The following NKAIN3 variants were observed in gnomAD, a reference collection of about 807,000 sequenced individuals.
NKAIN3 encodes the protein sodium/potassium-transporting ATPase subunit beta-1-interacting protein 3.
In NKAIN3, 25 loss-of-function variants were observed where a neutral mutation model predicts 30.2. The ratio of observed to expected loss-of-function variants is 0.83; its 90% CI spans 0.60 to 1.16. The LOEUF is 1.16. Among genes scored for constraint, NKAIN3 ranks in the 50% most tolerant of loss-of-function variants. The pLI, the probability that NKAIN3 is intolerant of heterozygous loss-of-function variation, is 0.00. For missense variants in NKAIN3, 225 were observed against 254.1 expected, an observed-to-expected ratio of 0.89 and a Z score of 0.78; for synonymous variants, 91 against 89.6, an observed-to-expected ratio of 1.02 and a Z score of -0.09.
chr8:62,582,727 T>C (rs1201761346), intron 2 of NKAIN3, among the ~76,000 whole-genome samples: 3 of 152,036 alleles, frequency 2.0e-5, no homozygotes, highest in African/African-American at 7.2e-5. Context: ...AGGAAAGAAT[T>C]CAAATGTCAG....
intron 1 of NKAIN3, among the ~76,000 whole-genome samples, chr8:62,560,527 TTTTC>T (rs1339133355): frequency 7.9e-6 from 1 of 127,000 alleles, no homozygotes; most frequent in Non-Finnish European, 1.6e-5. Context: ...ATCTTTTTTC[TTTTC>T]TTTTTTTTTT....
Position 62,614,241 on chromosome 8 carries a change from GTTTC to G in NKAIN3, c.273+24450_273+24453del, listed in dbSNP as rs200705840. Reference sequence around the variant, plus strand: ...GGCATCACAAGCCCAGTAACTCTGTGTTTCTTGCAGACTCATAGGAATACTGCCT... The same window carrying G: ...GGCATCACAAGCCCAGTAACTCTGTGTTGCAGACTCATAGGAATACTGCCT... On this transcript the variant is annotated intron_variant, in intron 3 of 6. Transcript: ENST00000623646. Among the ~76,000 whole-genome samples, 37 of 152,276 alleles carry G rather than the reference GTTTC, an allele frequency of 2.4e-4. 1 individual carries two copies. The East Asian group carries it at 5.6e-3, about 23-fold the overall frequency.
In NKAIN3 at chr8:62,400,163, C is replaced by CTTT. The variant is rs71255333; in HGVS notation, c.54+151054_54+151056dup. ...TCCTGTGTGGTAGATGCTATATTTT[C>CTTT]TTTTTTTTTTTTTTTTTTTTGAGAC... On this transcript the variant is annotated intron_variant, in intron 1 of 6. Transcript: ENST00000623646. Among the ~76,000 whole-genome samples, 115 of 122,244 alleles carry CTTT rather than the reference C, an allele frequency of 9.4e-4. 1 individual carries two copies. Among genetic ancestry groups the CTTT allele is most frequent in the African/African-American group, 2.4e-3 (80 of 33,078 alleles). The allele number at this position is 122,244 out of a possible 152,430, so 80.2% of individuals were successfully genotyped here. A position where few individuals can be genotyped will look rare whatever the true frequency, so the allele number is the denominator to read the frequency against.
intron 4 of NKAIN3, among the ~76,000 whole-genome samples, chr8:62,888,859 G>C (rs192398351): frequency 7.0e-4 from 107 of 152,200 alleles, no homozygotes; most frequent in African/African-American, 2.4e-3. Context: ...AGAGCAATGA[G>C]TTATGTATTT....
Position 62,440,656 on chromosome 8 carries a change from C to T in NKAIN3, c.55-138883C>T, listed in dbSNP as rs184633906. ...CTCTTGCTCTTCATTAACTCTCTAA[C>T]GACCATACTCACTCCCCTCCTTCCT... is the stretch of plus-strand genomic sequence containing the variant. On this transcript the variant is annotated intron_variant, in intron 1 of 6. Coordinates refer to ENST00000623646, the MANE Select transcript of NKAIN3 (RefSeq NM_001304533.3). 4.6e-4 allele frequency among the ~76,000 whole-genome samples: 70 copies of T among 152,042 alleles called. 1 individual carries two copies. The highest frequency in any genetic ancestry group is 3.4e-3 in the Middle Eastern group (1 of 294).
At chr8:62,771,505 T>C (rs1817010123) in intron 4 of NKAIN3, among the ~76,000 whole-genome samples, 1 of 151,778 alleles carries the variant, frequency 6.6e-6, no homozygotes, top group South Asian at 2.1e-4. Context: ...AAAGAACAAA[T>C]AAAAGAACCT....
intron 1 of NKAIN3, among the ~76,000 whole-genome samples, chr8:62,403,432 G>C (rs1803954153): frequency 1.3e-5 from 2 of 152,164 alleles, no homozygotes; most frequent in Admixed American, 1.3e-4. Context: ...TACAGGCCCA[G>C]AGGCTTAAAA....
chr8:62,276,961 A>G (rs567013350), intron 1 of NKAIN3, among the ~76,000 whole-genome samples: 24 of 152,240 alleles, frequency 1.6e-4, no homozygotes, highest in African/African-American at 5.1e-4. Context: ...CTTTTACCAT[A>G]TAAGATTCTA....
chr8:62,925,654 A>G (rs1433904243), intron 5 of NKAIN3, among the ~76,000 whole-genome samples: 1 of 152,152 alleles, frequency 6.6e-6, no homozygotes, highest in African/African-American at 2.4e-5. Context: ...CTCTGTGACC[A>G]TTGCTGAATC....
chr8:62,683,071 T>C (rs1359945809), intron 3 of NKAIN3, among the ~76,000 whole-genome samples: 1 of 152,162 alleles, frequency 6.6e-6, no homozygotes, highest in Non-Finnish European at 1.5e-5. Flanking sequence ...TCTAGCTCTG[T>C]TGCCCAGGCT....
At chr8:62,727,289 C>A (rs1349593169) in intron 3 of NKAIN3, among the ~76,000 whole-genome samples, 1 of 152,096 alleles carries the variant, frequency 6.6e-6, no homozygotes. Flanking sequence ...AGATCAGGAA[C>A]AAGGCAAGAA....
intron 4 of NKAIN3, among the ~76,000 whole-genome samples, chr8:62,858,475 G>T (rs1344851600): frequency 6.6e-6 from 1 of 152,158 alleles, no homozygotes; most frequent in South Asian, 2.1e-4. Context: ...AACAGCCAAG[G>T]TAGTGACATG....
chr8:62,634,531 T>A (rs776117771), intron 3 of NKAIN3, among the ~76,000 whole-genome samples: 10 of 152,200 alleles, frequency 6.6e-5, no homozygotes, highest in African/African-American at 9.6e-5. Context: ...CAACAGGACC[T>A]AGACCAAACC....
chr8:62,459,277 A>G (rs1805915732), intron 1 of NKAIN3, among the ~76,000 whole-genome samples: 1 of 152,172 alleles, frequency 6.6e-6, no homozygotes, highest in Admixed American at 6.5e-5. Context: ...CCAGAAGTCT[A>G]GGTCAGCTGA....
chr8:62,595,447 C>T (rs1420858842), intron 3 of NKAIN3, among the ~76,000 whole-genome samples: 9 of 131,052 alleles, frequency 6.9e-5, no homozygotes, highest in Non-Finnish European at 1.4e-4. Context: ...AAACAGAGCT[C>T]CCATACAAAG....
At chr8:62,597,157 C>T (rs1035069497) in intron 3 of NKAIN3, among the ~76,000 whole-genome samples, 69 of 152,192 alleles carry the variant, frequency 4.5e-4, no homozygotes, top group Admixed American at 3.7e-3. Flanking sequence ...GCTGGTCCCT[C>T]GGACCTGTGA....
At chr8:62,693,962 T>C (rs1439499547) in intron 3 of NKAIN3, among the ~76,000 whole-genome samples, 1 of 152,220 alleles carries the variant, frequency 6.6e-6, no homozygotes, top group East Asian at 1.9e-4. Flanking sequence ...CATATTTTTA[T>C]TGATATATAA....
chr8:62,649,398 C>T (rs1413048349), intron 3 of NKAIN3, among the ~76,000 whole-genome samples: 1 of 152,066 alleles, frequency 6.6e-6, no homozygotes, highest in African/African-American at 2.4e-5. Flanking sequence ...CCAAACAGGC[C>T]AATGGGACTT....
intron 3 of NKAIN3, among the ~76,000 whole-genome samples, chr8:62,732,379 A>G (rs186153290): frequency 1.3e-3 from 193 of 152,196 alleles, no homozygotes; most frequent in Non-Finnish European, 1.1e-3. Flanking sequence ...ACCAAAATGT[A>G]AAAGTTTTTA....
Sources: allele counts gnomAD v4.1 joint callset (sites outside exome capture counted in the v4.1 genomes callset), GRCh38; gene constraint gnomAD v4.1.1; transcripts MANE v1.5; gene names NCBI Gene and HGNC (gene_info 2026-07-23, HGNC 2026-07-21).